Variants in MAPK10 observed in about 807,000 individuals in gnomAD.
MAPK10 encodes the protein mitogen-activated protein kinase 10.
Under a neutral mutation model 59.3 loss-of-function variants are expected in MAPK10, and 25 were observed. The observed-to-expected ratio is 0.42, with a 90% CI of 0.31 to 0.59. The LOEUF is 0.59. Ranked by LOEUF, MAPK10 falls within the 20% of genes least tolerant of loss-of-function variation. The pLI is 0.15. For synonymous variants in MAPK10, 190 were observed against 200.5 expected, an observed-to-expected ratio of 0.95 and a Z score of 0.44; for missense variants, 351 against 568.9, an observed-to-expected ratio of 0.62 and a Z score of 3.90.
At chr4:86,168,263 G>T (rs1313506557) in intron 3 of MAPK10, among the ~76,000 whole-genome samples, 1 of 152,236 alleles carries the variant, frequency 6.6e-6, no homozygotes, top group East Asian at 1.9e-4. Context: ...GTGAGGCATT[G>T]CCTCACTCGG....
At position 86,395,237 on chromosome 4, in the gene MAPK10, C is replaced by T. The variant is rs79862202; in HGVS notation, c.-121-40593G>A. Among the ~76,000 whole-genome samples the T allele has an allele frequency of 6.8e-3, 1,028 of 152,238 alleles. 11 individuals carry two copies. Among genetic ancestry groups the T allele is most frequent in the African/African-American group, 0.024 (991 of 41,542 alleles). On this transcript the variant is annotated intron_variant, in intron 1 of 13. Transcript: ENST00000361569. ...TAATATTATAGCTAAGGTCAAAATT[C>T]ATATTTATTGGTTACTATTTAGTGT...
At chr4:86,134,819 T>A (rs1404767054) in intron 4 of MAPK10, among the ~76,000 whole-genome samples, 1 of 152,178 alleles carries the variant, frequency 6.6e-6, no homozygotes, top group Non-Finnish European at 1.5e-5. Context: ...CGCAGGTCAG[T>A]GGGTGCACGC....
upstream of MAPK10, among the ~76,000 whole-genome samples, chr4:86,455,474 GA>G (rs1311169558): frequency 1.1e-4 from 17 of 152,148 alleles, no homozygotes; most frequent in South Asian, 3.5e-3. Flanking sequence ...CATTCCATGC[GA>G]ATGGACACCA....
At chr4:86,289,465 A>T (rs2095147565) in intron 2 of MAPK10, among the ~76,000 whole-genome samples, 1 of 151,912 alleles carries the variant, frequency 6.6e-6, no homozygotes, top group Non-Finnish European at 1.5e-5. Flanking sequence ...AAATTAGGAG[A>T]CAGTTTCTAT....
chr4:86,246,169 C>T (rs1410152468), intron 2 of MAPK10, among the ~76,000 whole-genome samples: 8 of 152,158 alleles, frequency 5.3e-5, no homozygotes, highest in African/African-American at 1.4e-4. Flanking sequence ...CGGTGGCTCA[C>T]GCCTGTAATC....
intron 3 of MAPK10, among the ~76,000 whole-genome samples, chr4:86,161,088 C>T (rs893754904): frequency 3.3e-5 from 5 of 151,970 alleles, no homozygotes; most frequent in Non-Finnish European, 5.9e-5. Context: ...AAGTAGAATA[C>T]GTGTGACAGG....
At chr4:86,344,632 G>A (rs1727053089) in intron 2 of MAPK10, among the ~76,000 whole-genome samples, 1 of 151,974 alleles carries the variant, frequency 6.6e-6, no homozygotes, top group Non-Finnish European at 1.5e-5. Context: ...GAGTGAGGGA[G>A]GGAGGAAGGA....
intron 2 of MAPK10, among the ~76,000 whole-genome samples, chr4:86,290,535 T>C (rs1271859731): frequency 6.6e-6 from 1 of 152,224 alleles, no homozygotes; most frequent in African/African-American, 2.4e-5. Flanking sequence ...CTCTTTATCA[T>C]TATGTAATAA....
At chr4:86,067,132 G>A (rs6840318) in intron 10 of MAPK10, among the ~76,000 whole-genome samples, 66,636 of 151,912 alleles carry the variant, frequency 0.44, 15,267 homozygotes, top group African/African-American at 0.55. Flanking sequence ...ATTACATTAT[G>A]AAGTATAATA....
intron 2 of MAPK10, among the ~76,000 whole-genome samples, chr4:86,227,820 T>C (rs1345761967): frequency 2.0e-5 from 3 of 152,248 alleles, no homozygotes; most frequent in Non-Finnish European, 4.4e-5. Flanking sequence ...CATTTTGTTT[T>C]AACCCTGAAT....
intron 1 of MAPK10, among the ~76,000 whole-genome samples, chr4:86,402,175 T>A (rs1206053500): frequency 1.3e-5 from 2 of 152,144 alleles, no homozygotes; most frequent in Admixed American, 1.3e-4. Context: ...AGGACTTTTT[T>A]TTTTTCACTT....
upstream of MAPK10, among the ~76,000 whole-genome samples, chr4:86,360,858 T>G (rs1736806591): frequency 6.6e-6 from 1 of 152,164 alleles, no homozygotes; most frequent in African/African-American, 2.4e-5. Context: ...GTTGACTACT[T>G]GCACTATAAA....
intron 1 of MAPK10, among the ~76,000 whole-genome samples, chr4:86,400,204 C>A (rs1579071498): frequency 6.6e-6 from 1 of 152,168 alleles, no homozygotes; most frequent in Non-Finnish European, 1.5e-5. Flanking sequence ...AAGTTTCTGA[C>A]AAAAGCTCAC....
rs532989655 is a variant in MAPK10, at chr4:86,238,855, T to C, written c.-6-44448A>G. On this transcript the variant is annotated intron_variant, in intron 2 of 13. Coordinates refer to ENST00000641462, the MANE Select transcript of MAPK10 (RefSeq NM_138982.4). ...TCCTTTATTTACTTCTCTTGCCAGA[T>C]TGCCCCGGCCAGAACTTCAAATACT... Among the ~76,000 whole-genome samples, 6 of 152,336 alleles carry C rather than the reference T, an allele frequency of 3.9e-5. No homozygotes were observed. The South Asian group carries it at 1.2e-3, about 32-fold the overall frequency.
At chr4:86,554,506 T>A (rs923484995) in intron 1 of MAPK10, among the ~76,000 whole-genome samples, 9 of 152,122 alleles carry the variant, frequency 5.9e-5, no homozygotes, top group African/African-American at 2.2e-4. Flanking sequence ...AAGTAAAAAA[T>A]TCATCTGGAG....
intron 1 of MAPK10, among the ~76,000 whole-genome samples, chr4:86,553,656 C>T (rs1578100017): frequency 6.6e-6 from 1 of 152,094 alleles, no homozygotes; most frequent in East Asian, 1.9e-4. Context: ...AGGTGAAGGA[C>T]TCAAACTTGG....
In MAPK10 at chr4:86,071,766, C is replaced by A. The variant is rs1459902444; in HGVS notation, c.803-3811G>T. 2.0e-5 allele frequency among the ~76,000 whole-genome samples: 3 copies of A among 150,946 alleles called. No individual in the cohort carries two copies. In the East Asian group the frequency reaches 5.8e-4, roughly 29 times the overall value. ...ATTGATCTATATCTCTGTTTAGGTA[C>A]CAGTACCATGCTGTTTTGGTTACTG... On this transcript the variant is annotated intron_variant, in intron 9 of 13. Transcript: ENST00000641462.
chr4:86,360,245 G>A, upstream of MAPK10: 2 of 983,080 alleles, frequency 2.0e-6, no homozygotes, highest in Non-Finnish European at 2.4e-6. Context: ...CAAATGTAAA[G>A]GAATAAGGTT....
chr4:86,236,674 A>T (rs925925384), intron 2 of MAPK10, among the ~76,000 whole-genome samples: 1 of 152,170 alleles, frequency 6.6e-6, no homozygotes. Context: ...CGGTTCAAGG[A>T]GAGGGTCTGA....
Sources: allele counts gnomAD v4.1 joint callset (sites outside exome capture counted in the v4.1 genomes callset), GRCh38; gene constraint gnomAD v4.1.1; transcripts MANE v1.5; gene names NCBI Gene and HGNC (gene_info 2026-07-23, HGNC 2026-07-21).